CEP128: variants seen among roughly 807,000 people sequenced by gnomAD.
CEP128 encodes centrosomal protein 128.
CEP128 carries 132 observed loss-of-function variants against 156.7 expected under a neutral mutation model. The observed-to-expected ratio is 0.84, with a 90% CI of 0.73 to 0.97. CEP128 has a LOEUF of 0.97. Ranked by LOEUF, CEP128 falls within the 50% of genes least tolerant of loss-of-function variation. The pLI, the probability that CEP128 is intolerant of heterozygous loss-of-function variation, is 0.00. For synonymous variants in CEP128, 469 were observed against 448.9 expected (o/e 1.04, Z -0.57); for missense variants, 1,252 against 1,281.9 (o/e 0.98, Z 0.36).
At chr14:80,708,111 T>C (rs2139395975) in intron 19 of CEP128, among the ~76,000 whole-genome samples, 1 of 152,314 alleles carries the variant, frequency 6.6e-6, no homozygotes, top group Non-Finnish European at 1.5e-5. Context: ...CCATTTTTTT[T>C]CTTCACGTCC....
intron 19 of CEP128, among the ~76,000 whole-genome samples, chr14:80,696,767 T>TAAAC (rs1244942151): frequency 6.6e-6 from 1 of 152,222 alleles, no homozygotes; most frequent in Admixed American, 6.5e-5. Flanking sequence ...TGGGAGAGTT[T>TAAAC]AAACAAACAA....
chr14:80,583,971 A>G (rs1891697146), intron 19 of CEP128, among the ~76,000 whole-genome samples: 1 of 152,120 alleles, frequency 6.6e-6, no homozygotes, highest in Non-Finnish European at 1.5e-5. Flanking sequence ...GTACAAAGCC[A>G]CTTCTACAGC....
chr14:80,940,700 A>G (rs555868381), intron 1 of CEP128, among the ~76,000 whole-genome samples: 16 of 152,096 alleles, frequency 1.1e-4, no homozygotes, highest in Non-Finnish European at 1.9e-4. Flanking sequence ...AAAAATCTCA[A>G]TAAGTTTTAT....
At chr14:80,665,407 G>C (rs1166154487) in intron 19 of CEP128, among the ~76,000 whole-genome samples, 1 of 152,172 alleles carries the variant, frequency 6.6e-6, no homozygotes, top group African/African-American at 2.4e-5. Flanking sequence ...AGGGAAAAGA[G>C]GAATGCTGGA....
Position 80,528,242 on chromosome 14 carries a change from A to T in CEP128, c.2959-1260T>A, listed in dbSNP as rs369151022. Reference sequence around the variant, plus strand: ...TAGAACTCAATGCTATTCCCTTTCTACCTAATCAAAAATGTAATGTTTAAA... The same window carrying T: ...TAGAACTCAATGCTATTCCCTTTCTTCCTAATCAAAAATGTAATGTTTAAA... On this transcript the variant is annotated intron_variant, in intron 22 of 24. Transcript: ENST00000555265. Among the ~76,000 whole-genome samples, 84 of 152,332 alleles carry T rather than the reference A, an allele frequency of 5.5e-4. 1 individual carries two copies. The highest frequency in any genetic ancestry group is 1.9e-3 in the African/African-American group (78 of 41,582).
intron 17 of CEP128, among the ~76,000 whole-genome samples, chr14:80,759,327 T>C (rs1899837103): frequency 6.6e-6 from 1 of 152,202 alleles, no homozygotes; most frequent in Admixed American, 6.5e-5. Context: ...TGTTACTCTT[T>C]ACATACAATG....
At chr14:80,919,471 C>T (rs1884734406) in intron 2 of CEP128, among the ~76,000 whole-genome samples, 1 of 152,086 alleles carries the variant, frequency 6.6e-6, no homozygotes, top group African/African-American at 2.4e-5. Context: ...TACCTTCCAA[C>T]CACCCCTCCT....
chr14:80,855,117 T>C (rs975922392), intron 9 of CEP128, among the ~76,000 whole-genome samples: 2 of 152,150 alleles, frequency 1.3e-5, no homozygotes, highest in African/African-American at 4.8e-5. Flanking sequence ...GTAGGAGTTT[T>C]AGGATTTTCA....
intron 13 of CEP128, among the ~76,000 whole-genome samples, chr14:80,825,855 C>T (rs1463263866): frequency 2.6e-5 from 4 of 152,130 alleles, no homozygotes; most frequent in Admixed American, 2.0e-4. Flanking sequence ...CTCCTGTAAT[C>T]CCAGCACTTT....
intron 19 of CEP128, among the ~76,000 whole-genome samples, chr14:80,628,576 G>A (rs1035062039): frequency 6.6e-6 from 1 of 152,068 alleles, no homozygotes; most frequent in Non-Finnish European, 1.5e-5. Context: ...CCTAAAAAGC[G>A]TCCGCACAAC....
intron 19 of CEP128, among the ~76,000 whole-genome samples, chr14:80,616,505 C>T (rs1225222804): frequency 1.3e-5 from 2 of 151,290 alleles, no homozygotes; most frequent in Non-Finnish European, 2.9e-5. Flanking sequence ...CTTGGTTATG[C>T]TAAATTACCC....
chr14:80,514,087 C>T (rs1594934271), intron 23 of CEP128, among the ~76,000 whole-genome samples: 1 of 152,160 alleles, frequency 6.6e-6, no homozygotes, highest in South Asian at 2.1e-4. Context: ...TCTATTGATC[C>T]CAAGTCTTTA....
chr14:80,948,436 T>C (rs1358889371), intron 2 of CEP128, among the ~76,000 whole-genome samples: 2 of 152,186 alleles, frequency 1.3e-5, no homozygotes, highest in Non-Finnish European at 2.9e-5. Flanking sequence ...TTCATATGCA[T>C]TTAGGTCAAA....
rs770196761 is a variant in CEP128 at position 80,743,288 on chromosome 14, C to G, written c.2614-21G>C. 3.9e-6 allele frequency: 6 copies of G among 1,526,470 alleles called. No homozygotes were observed. The Middle Eastern group carries it at 5.4e-4, about 138-fold the overall frequency. 94.6% of individuals were successfully genotyped at this position (1,526,470 alleles called of 1,614,324 possible). ...TTAGTCTAAAAAATAACATTTATAT[C>G]TAATGGTTAAAGAAACTCAGAAAAG... is the stretch of plus-strand genomic sequence containing the variant. On this transcript the variant is annotated intron_variant, in intron 18 of 24. Coordinates refer to ENST00000555265, the MANE Select transcript of CEP128 (RefSeq NM_152446.5).
rs61749305 is a variant in CEP128, at chr14:80,761,527, C to A, written c.2463G>T (p.Glu821Asp). The part of the protein sequence containing the change: ...LQLKDQLLCL[E>D]TEQESILGVI... ...CACCAAGAATGGATTCCTGTTCAGTCTCCAAGCAAAGAAGTTGATCCTTGA... is the reference window on the plus strand; with the variant it reads ...CACCAAGAATGGATTCCTGTTCAGTATCCAAGCAAAGAAGTTGATCCTTGA... Residue 821 changes from glutamate to aspartate, a missense_variant, in exon 17 of 25, where the codon GAG becomes GAT. Coordinates refer to ENST00000555265, the MANE Select transcript of CEP128 (RefSeq NM_152446.5). The A allele has an allele frequency of 6.2e-7, 1 of 1,612,864 alleles. No individual in the cohort carries two copies. Among genetic ancestry groups the A allele is most frequent in the Non-Finnish European group, 8.5e-7 (1 of 1,179,140 alleles).
intron 22 of CEP128, among the ~76,000 whole-genome samples, chr14:80,527,562 T>G (rs1327662083): frequency 6.6e-6 from 1 of 152,196 alleles, no homozygotes; most frequent in African/African-American, 2.4e-5. Flanking sequence ...CTACAGTGAC[T>G]GACACCCTTT....
chr14:80,581,379 G>T (rs1484014338), intron 19 of CEP128, among the ~76,000 whole-genome samples: 5 of 152,096 alleles, frequency 3.3e-5, no homozygotes, highest in African/African-American at 4.8e-5. Context: ...TCCCAGAAAG[G>T]CAAACTCAAA....
At chr14:80,894,528 G>A (rs1293934992) in intron 8 of CEP128, 6 of 422,664 alleles carry the variant, frequency 1.4e-5, no homozygotes, top group African/African-American at 6.7e-5. Context: ...TGGTACATCC[G>A]AAAAAATCTA....
intron 5 of CEP128, 60 bp from the exon 6 acceptor site, chr14:80,904,991 A>T (rs927694410): frequency 1.6e-5 from 16 of 978,776 alleles, no homozygotes; most frequent in Non-Finnish European, 2.5e-5. Context: ...GACAATCTAA[A>T]ATTTTACTCA....
Sources: allele counts gnomAD v4.1 joint callset (sites outside exome capture counted in the v4.1 genomes callset), GRCh38; gene constraint gnomAD v4.1.1; transcripts MANE v1.5; gene names NCBI Gene and HGNC (gene_info 2026-07-23, HGNC 2026-07-21).